Variants in ATP2A2 observed in about 807,000 individuals in gnomAD.
The protein encoded by ATP2A2 is sarcoplasmic/endoplasmic reticulum calcium ATPase 2.
A neutral mutation model predicts 109.3 loss-of-function variants in ATP2A2; 14 were observed. The observed-to-expected ratio is 0.13, with a 90% CI of 0.08 to 0.20. The LOEUF is 0.20. Among genes scored for constraint, ATP2A2 ranks in the 10% least tolerant of loss-of-function variants. The pLI, the probability that ATP2A2 is intolerant of heterozygous loss-of-function variation, is 1.00. For missense variants in ATP2A2, 657 were observed against 1,321.6 expected, an observed-to-expected ratio of 0.50 and a Z score of 7.80; for synonymous variants, 506 against 490.9, an observed-to-expected ratio of 1.03 and a Z score of -0.41.
chr12:110,306,239 C>T (rs55727991), intron 5 of ATP2A2, among the ~76,000 whole-genome samples: 12,159 of 152,234 alleles, frequency 0.08, 528 homozygotes, highest in Middle Eastern at 0.11. Flanking sequence ...CAGGGTTTCA[C>T]CATGTTAGCC....
chr12:110,303,287 G>A (rs769495617), intron 5 of ATP2A2, among the ~76,000 whole-genome samples: 10 of 152,172 alleles, frequency 6.6e-5, no homozygotes, highest in Non-Finnish European at 5.9e-5. Flanking sequence ...GTGCAGTGGT[G>A]TGATCTCGGC....
At chr12:110,282,174 A>AG (rs1261547816) in intron 1 of ATP2A2, among the ~76,000 whole-genome samples, 4 of 152,088 alleles carry the variant, frequency 2.6e-5, no homozygotes, top group African/African-American at 9.7e-5. Context: ...GCCCCGGTGG[A>AG]GGGAGGGACG....
rs967208266 is a variant in ATP2A2, at chr12:110,348,365, A to C, written c.*1895A>C. On this transcript the variant is annotated 3_prime_UTR_variant, in exon 20 of 20. Coordinates refer to ENST00000539276, the MANE Select transcript of ATP2A2 (RefSeq NM_170665.4). ...GGACGTGGCTCTGCACAGCCCAAAA[A>C]CCAGCTTACTCCTTAGCCAGGGTGT... 1.0e-6 allele frequency: 1 copy of C among 985,074 alleles called. No individual in the cohort carries two copies. The highest frequency in any genetic ancestry group is 1.8e-5 in the African/African-American group (1 of 57,104). The allele number at this position is 985,074 out of a possible 1,614,324, so 61.0% of individuals were successfully genotyped here.
In ATP2A2 at chr12:110,348,087, A is replaced by G. The variant is rs1880052464; in HGVS notation, c.*1617A>G. On this transcript the variant is annotated 3_prime_UTR_variant, in exon 20 of 20. Transcript: ENST00000539276. ...GGAGAGAGGCATTTCAGCCAGACCA[A>G]CAGGCTGAAGGAGCTGTGCAGACTA... The G allele has an allele frequency of 3.0e-6, 3 of 986,378 alleles. No individual in the cohort carries two copies. Among genetic ancestry groups the G allele is most frequent in the Non-Finnish European group, 3.6e-6 (3 of 830,612 alleles). The allele number at this position is 986,378 out of a possible 1,614,324, so 61.1% of individuals were successfully genotyped here. A position where few individuals can be genotyped will look rare whatever the true frequency, so the allele number is the denominator to read the frequency against.
At chr12:110,345,083 T>TA (rs1879717346) in intron 17 of ATP2A2, 112 bp downstream of exon 17, 1 of 1,486,908 alleles carries the variant, frequency 6.7e-7, no homozygotes, top group South Asian at 1.1e-5. Context: ...AATAAACAGT[T>TA]ACATCTAAGA....
At position 110,281,674 on chromosome 12, in the gene ATP2A2, G is replaced by A; in HGVS notation, c.-116G>A. On this transcript the variant is annotated 5_prime_UTR_variant, in exon 1 of 20. Coordinates refer to ENST00000539276, the MANE Select transcript of ATP2A2 (RefSeq NM_170665.4). Reference sequence around the variant, plus strand: ...GCGGAAGCGGCCGCAAGAGGAGGAGGGGAGAGCCCGTCCGCGCCTGGGCTC... The same window carrying A: ...GCGGAAGCGGCCGCAAGAGGAGGAGAGGAGAGCCCGTCCGCGCCTGGGCTC... The A allele has an allele frequency of 1.7e-6, 1 of 592,406 alleles. No homozygotes were observed. The allele number at this position is 592,406 out of a possible 1,614,324, so 36.7% of individuals were successfully genotyped here.
At chr12:110,338,750 C>T (rs1454886489) in intron 11 of ATP2A2, among the ~76,000 whole-genome samples, 1 of 152,234 alleles carries the variant, frequency 6.6e-6, no homozygotes, top group African/African-American at 2.4e-5. Flanking sequence ...CCTCCGTTGT[C>T]TTCTGTTTTA....
Position 110,343,295 on chromosome 12 carries a change from C to T in ATP2A2, c.2382C>T (p.Val794=), listed in dbSNP as rs1879531332. ...EALIPVQLLW[V]NLVTDGLPAT... The stretch of plus-strand genomic sequence containing the variant: ...TGATTCCTGTTCAGCTGCTCTGGGT[C>T]AATCTGGTGACAGATGGCCTGCCTG... The change falls in exon 16 of 20, where the codon GTC becomes GTT. Residue 794 remains valine, a synonymous_variant. Transcript: ENST00000539276. 5 of 1,614,154 alleles carry T rather than the reference C, an allele frequency of 3.1e-6. No homozygotes were observed.
rs147192647 is a variant in ATP2A2 at position 110,345,811 on chromosome 12, C to G, written c.2742-190C>G. ...GGTCTGCTATGCCAAAACATAGATA[C>G]AGAATTCACAGTTTGTCCTGCATTA... On this transcript the variant is annotated intron_variant, in intron 18 of 19. Coordinates refer to ENST00000539276, the MANE Select transcript of ATP2A2 (RefSeq NM_170665.4). 1.3e-5 allele frequency: 9 copies of G among 678,662 alleles called. No homozygotes were observed. The Admixed American group carries it at 1.5e-4, about 11-fold the overall frequency. 42.0% of individuals were successfully genotyped at this position (678,662 alleles called of 1,614,324 possible).
At position 110,313,542 on chromosome 12, in the gene ATP2A2, T is replaced by TG. The variant is rs1187215957; in HGVS notation, c.464-9449dup. Among the ~76,000 whole-genome samples, 21 of 151,728 alleles carry TG rather than the reference T, an allele frequency of 1.4e-4. No homozygotes were observed. In the South Asian group the frequency reaches 4.2e-3, roughly 30 times the overall value. The stretch of plus-strand genomic sequence containing the variant: ...GTTAGCCAGGCTGGTCTCAAACTCC[T>TG]GACCTCAAGTGCTTCATCTGCCTTG... On this transcript the variant is annotated intron_variant, in intron 5 of 19. Transcript: ENST00000539276.
chr12:110,340,911 G>A lies in ATP2A2; in HGVS notation c.2014G>A (p.Ala672Thr), dbSNP rs919001854. The change falls in exon 14 of 20, where the codon GCC (alanine) becomes ACC (threonine). Residue 672 changes from alanine to threonine, a missense_variant. By Grantham distance (58) the Ala-to-Thr change is moderately conservative. Coordinates refer to ENST00000539276, the MANE Select transcript of ATP2A2 (RefSeq NM_170665.4). The surrounding 1 kb of genome is among the most constrained non-coding windows in gnomAD (Gnocchi z 6.0). Reference protein sequence around the residue: ...PSAQRDACLNARCFARVEPSH... With the variant: ...PSAQRDACLNTRCFARVEPSH... ...CGCCCAGCGAGACGCCTGCCTGAAC[G>A]CCCGCTGTTTTGCTCGAGTTGAACC... is the stretch of plus-strand genomic sequence containing the variant. The A allele has an allele frequency of 6.2e-7, 1 of 1,614,194 alleles. No individual in the cohort carries two copies.
At chr12:110,332,438 T>C (rs1592850783) in intron 8 of ATP2A2, 159 bp from the exon 9 acceptor site, 1 of 704,944 alleles carries the variant, frequency 1.4e-6, no homozygotes, top group African/African-American at 1.7e-5. Flanking sequence ...TAAGGGACAG[T>C]ACTGCTGATG....
intron 11 of ATP2A2, chr12:110,334,372 A>C: frequency 1.7e-6 from 1 of 574,966 alleles, no homozygotes; most frequent in South Asian, 1.9e-5. Context: ...CTCTGGGCCC[A>C]CAGGGGCTGC....
At chr12:110,310,290 G>T (rs1207013951) in intron 5 of ATP2A2, among the ~76,000 whole-genome samples, 1 of 150,190 alleles carries the variant, frequency 6.7e-6, no homozygotes, top group East Asian at 2.0e-4. Context: ...CCCGGCCATG[G>T]TTTTGTGGGA....
chr12:110,345,478 A>G, intron 18 of ATP2A2, 96 bp downstream of exon 18: 2 of 1,550,648 alleles, frequency 1.3e-6, no homozygotes, highest in South Asian at 2.2e-5. Context: ...ATCACAGGAC[A>G]GTTCTTCCCT....
intron 18 of ATP2A2, 48 bp downstream of exon 18, chr12:110,345,430 G>A (rs1879752343): frequency 1.2e-6 from 2 of 1,612,330 alleles, no homozygotes; most frequent in Non-Finnish European, 1.7e-6. Flanking sequence ...TGACTGCCAG[G>A]GCACCGGGGA....
intron 5 of ATP2A2, among the ~76,000 whole-genome samples, chr12:110,310,459 G>T (rs1875904256): frequency 6.6e-6 from 1 of 152,222 alleles, no homozygotes; most frequent in Non-Finnish European, 1.5e-5. Flanking sequence ...GGGGCTTCTA[G>T]TATATGCCGC....
intron 3 of ATP2A2, among the ~76,000 whole-genome samples, chr12:110,291,181 T>A (rs183646765): frequency 4.0e-5 from 6 of 151,154 alleles, no homozygotes; most frequent in Non-Finnish European, 8.8e-5. Flanking sequence ...GTGCTGGAAT[T>A]ACAGGCGTGA....
Position 110,350,030 on chromosome 12 carries a change from TG to T in ATP2A2, c.*3564del. The T allele has an allele frequency of 7.2e-7, 1 of 1,393,646 alleles. No homozygotes were observed. The highest frequency in any genetic ancestry group is 9.3e-7 in the Non-Finnish European group (1 of 1,075,534). 86.3% of individuals were successfully genotyped at this position (1,393,646 alleles called of 1,614,324 possible). ...AGCTGCAACGATTGTGTCTGCCTCA[TG>T]GGGTTTTCCTCCAGAGCCTTTATTC... is the stretch of plus-strand genomic sequence containing the variant. On this transcript the variant is annotated 3_prime_UTR_variant, in exon 20 of 20. Coordinates refer to ENST00000539276, the MANE Select transcript of ATP2A2 (RefSeq NM_170665.4).
Sources: allele counts gnomAD v4.1 joint callset (sites outside exome capture counted in the v4.1 genomes callset), GRCh38; gene constraint gnomAD v4.1.1; non-coding constraint Gnocchi (gnomAD v3.1); transcripts MANE v1.5; gene names NCBI Gene and HGNC (gene_info 2026-07-23, HGNC 2026-07-21).